The following DEPDC1B variants were observed in gnomAD, a reference collection of about 807,000 sequenced individuals.
DEPDC1B encodes DEP domain-containing protein 1B.
In DEPDC1B, 51 loss-of-function variants were observed where a neutral mutation model predicts 66.5. The ratio of observed to expected loss-of-function variants is 0.77; its 90% CI spans 0.61 to 0.97. The LOEUF (loss-of-function observed/expected upper bound fraction) is 0.97, where lower values mean the gene tolerates loss of function less well. DEPDC1B is among the 50% of genes least tolerant of loss of function. The pLI is 0.00. For missense variants in DEPDC1B, 552 were observed against 637.1 expected (o/e 0.87, Z 1.44); for synonymous variants, 226 against 223.6 (o/e 1.01, Z -0.10).
chr5:60,699,881 T>C (rs1754745619), intron 1 of DEPDC1B, among the ~76,000 whole-genome samples, 165 bp downstream of exon 1: 1 of 152,232 alleles, frequency 6.6e-6, no homozygotes, highest in Non-Finnish European at 1.5e-5. Context: ...AGCCTTTCTT[T>C]GAGGCTCGTC....
chr5:60,601,196 C>A (rs1428157351), intron 9 of DEPDC1B, among the ~76,000 whole-genome samples: 2 of 152,210 alleles, frequency 1.3e-5, no homozygotes, highest in Non-Finnish European at 2.9e-5. Flanking sequence ...TTATTAGCAG[C>A]ATGAGAGCAG....
chr5:60,632,203 C>T (rs1351357650), intron 7 of DEPDC1B, among the ~76,000 whole-genome samples: 1 of 152,244 alleles, frequency 6.6e-6, no homozygotes, highest in Non-Finnish European at 1.5e-5. Context: ...TCTGTCGGGG[C>T]AGCCCAGGCC....
At chr5:60,619,534 T>C (rs1479782144) in intron 7 of DEPDC1B, among the ~76,000 whole-genome samples, 1 of 152,120 alleles carries the variant, frequency 6.6e-6, no homozygotes, top group Non-Finnish European at 1.5e-5. Flanking sequence ...GAACTCCCAT[T>C]CACAATTGCT....
rs1241543551 is a variant in DEPDC1B at position 60,667,999 on chromosome 5, A to G, written c.314+18963T>C. Among the ~76,000 whole-genome samples the G allele has an allele frequency of 2.7e-5, 3 of 112,640 alleles. 1 individual carries two copies. The East Asian group carries it at 6.7e-4, about 25-fold the overall frequency. The allele number at this position is 112,640 out of a possible 152,430, so 73.9% of individuals were successfully genotyped here. On this transcript the variant is annotated intron_variant, in intron 2 of 10. Coordinates refer to ENST00000265036, the MANE Select transcript of DEPDC1B (RefSeq NM_018369.3). ...TATATATAAAATGGATATTATATATATAAAATGGATATTTTATATATATAT... is the reference window on the plus strand; with the variant it reads ...TATATATAAAATGGATATTATATATGTAAAATGGATATTTTATATATATAT...
chr5:60,615,009 A>C (rs1256263487), intron 7 of DEPDC1B, among the ~76,000 whole-genome samples: 1 of 152,072 alleles, frequency 6.6e-6, no homozygotes, highest in Non-Finnish European at 1.5e-5. Flanking sequence ...ATAAATGAAT[A>C]AATAAATAAA....
Position 60,603,373 on chromosome 5 carries a change from T to A in DEPDC1B, c.1242+18A>T. 6.5e-7 allele frequency: 1 copy of A among 1,529,560 alleles called. No homozygotes were observed. The highest frequency in any genetic ancestry group is 8.7e-7 in the Non-Finnish European group (1 of 1,145,444). 94.7% of individuals were successfully genotyped at this position (1,529,560 alleles called of 1,614,324 possible). On this transcript the variant is annotated intron_variant, in intron 9 of 10. Transcript: ENST00000265036. ...TATATTGCCAATTTCATAGAACTGA[T>A]AATATCCTCTCCTTTACCTGGACTC...
At chr5:60,616,756 G>C (rs908607153) in intron 7 of DEPDC1B, among the ~76,000 whole-genome samples, 1 of 152,150 alleles carries the variant, frequency 6.6e-6, no homozygotes, top group Non-Finnish European at 1.5e-5. Context: ...AGCAAGGCAG[G>C]CCAACATTCA....
intron 6 of DEPDC1B, 54 bp from the exon 7 acceptor site, chr5:60,638,944 G>C: frequency 6.3e-7 from 1 of 1,575,554 alleles, no homozygotes; most frequent in South Asian, 1.2e-5. Context: ...TTACCTCTAA[G>C]TATTATTCTC....
intron 7 of DEPDC1B, among the ~76,000 whole-genome samples, chr5:60,629,149 C>G (rs1752868282): frequency 6.6e-6 from 1 of 152,196 alleles, no homozygotes; most frequent in South Asian, 2.1e-4. Context: ...TTACATTGTC[C>G]ACCATGTTGC....
intron 7 of DEPDC1B, among the ~76,000 whole-genome samples, chr5:60,618,972 G>A (rs1368309467): frequency 6.6e-6 from 1 of 152,174 alleles, no homozygotes; most frequent in African/African-American, 2.4e-5. Context: ...TGGGATGCAA[G>A]GCTGGTTCAA....
intron 2 of DEPDC1B, among the ~76,000 whole-genome samples, chr5:60,682,491 T>C (rs1754318036): frequency 6.6e-6 from 1 of 152,042 alleles, no homozygotes; most frequent in African/African-American, 2.4e-5. Context: ...GTTGTGCACA[T>C]GCACCCTAAA....
chr5:60,619,332 A>G (rs985459958), intron 7 of DEPDC1B, among the ~76,000 whole-genome samples: 1 of 152,224 alleles, frequency 6.6e-6, no homozygotes, highest in Admixed American at 6.5e-5. Context: ...TCGATTAGGA[A>G]AAGAGGAAGT....
rs188497264 is a variant in DEPDC1B at position 60,633,819 on chromosome 5, T to G, written c.898+4931A>C. The stretch of plus-strand genomic sequence containing the variant: ...TTTACAAACATTATGTGTAAATTAC[T>G]CAGAATCCTAATTGAAAGTAATTTC... On this transcript the variant is annotated intron_variant, in intron 7 of 10. Coordinates refer to ENST00000265036, the MANE Select transcript of DEPDC1B (RefSeq NM_018369.3). 2.7e-3 allele frequency among the ~76,000 whole-genome samples: 411 copies of G among 152,356 alleles called. 2 individuals carry two copies. The highest frequency in any genetic ancestry group is 9.7e-3 in the African/African-American group (403 of 41,580).
At chr5:60,627,856 T>C (rs1752838282) in intron 7 of DEPDC1B, among the ~76,000 whole-genome samples, 1 of 152,184 alleles carries the variant, frequency 6.6e-6, no homozygotes, top group South Asian at 2.1e-4. Flanking sequence ...AACTTTCATG[T>C]TTTTATATCT....
intron 7 of DEPDC1B, among the ~76,000 whole-genome samples, chr5:60,612,691 T>C (rs1347753850): frequency 6.7e-6 from 1 of 149,208 alleles, no homozygotes; most frequent in Non-Finnish European, 1.5e-5. Flanking sequence ...AGCAATTTAC[T>C]TTCAAATGGT....
chr5:60,699,082 G>A (rs1013066975), intron 1 of DEPDC1B, among the ~76,000 whole-genome samples: 18 of 152,102 alleles, frequency 1.2e-4, no homozygotes, highest in African/African-American at 4.3e-4. Flanking sequence ...CTCAGCTCTG[G>A]CTTGACTTAC....
intron 10 of DEPDC1B, among the ~76,000 whole-genome samples, chr5:60,598,693 T>C (rs1178700935): frequency 6.6e-6 from 1 of 152,192 alleles, no homozygotes; most frequent in Non-Finnish European, 1.5e-5. Flanking sequence ...ACTCTAAACA[T>C]TTTACACCTG....
intron 9 of DEPDC1B, among the ~76,000 whole-genome samples, chr5:60,600,910 TC>T (rs1752187527): frequency 6.6e-6 from 1 of 152,210 alleles, no homozygotes; most frequent in South Asian, 2.1e-4. Context: ...GTTCCCATAA[TC>T]CCCTTGCTGT....
At chr5:60,617,862 T>A (rs894309670) in intron 7 of DEPDC1B, among the ~76,000 whole-genome samples, 3 of 152,168 alleles carry the variant, frequency 2.0e-5, no homozygotes, top group Admixed American at 2.0e-4. Flanking sequence ...ACCACTCCTA[T>A]TCCAAAACTG....
Sources: gnomAD v4.1 joint callset for allele counts (sites outside exome capture counted in the v4.1 genomes callset) on GRCh38, gnomAD v4.1.1 for gene constraint, MANE v1.5 for transcripts, NCBI Gene and HGNC (gene_info 2026-07-23, HGNC 2026-07-21) for gene names.